Variants in EPB41L5 observed in about 807,000 individuals in gnomAD.
EPB41L5 encodes the protein band 4.1-like protein 5.
EPB41L5 carries 55 observed loss-of-function variants against 106.6 expected under a neutral mutation model. The ratio of observed to expected loss-of-function variants is 0.52; its 90% CI spans 0.42 to 0.65. The LOEUF is 0.65. Among genes scored for constraint, EPB41L5 ranks in the 30% least tolerant of loss-of-function variants. EPB41L5 has a pLI of 0.00. For synonymous variants in EPB41L5, 297 were observed against 306.7 expected (o/e 0.97, Z 0.33); for missense variants, 871 against 882.1 (o/e 0.99, Z 0.16).
At chr2:120,026,784 AATAAGTT>A (rs1249904423) in intron 2 of EPB41L5, among the ~76,000 whole-genome samples, 1 of 152,254 alleles carries the variant, frequency 6.6e-6, no homozygotes. Context: ...GAGACCATCA[AATAAGTT>A]ACAAGACTGT....
intron 3 of EPB41L5, among the ~76,000 whole-genome samples, chr2:120,072,449 T>C (rs1681934989): frequency 6.6e-6 from 1 of 152,224 alleles, no homozygotes; most frequent in Non-Finnish European, 1.5e-5. Flanking sequence ...CAAAGGATTA[T>C]AAGTCATTCT....
rs1240563257 is a variant in EPB41L5 at position 120,149,375 on chromosome 2, C to A, written c.1793+3086C>A. Reference sequence around the variant, plus strand: ...GAAATCCCCTGCTCTTTAACTGTAACCCCATCTACCCTGCACTGCCTTTCC... The same window carrying A: ...GAAATCCCCTGCTCTTTAACTGTAAACCCATCTACCCTGCACTGCCTTTCC... On this transcript the variant is annotated intron_variant, in intron 20 of 24. Coordinates refer to ENST00000263713, the MANE Select transcript of EPB41L5 (RefSeq NM_020909.4). Among the ~76,000 whole-genome samples the A allele has an allele frequency of 3.3e-5, 5 of 152,168 alleles. No homozygotes were observed. In the East Asian group the frequency reaches 9.6e-4, roughly 29 times the overall value.
chr2:120,151,313 A>G (rs1405392274), intron 20 of EPB41L5, among the ~76,000 whole-genome samples: 1 of 152,084 alleles, frequency 6.6e-6, no homozygotes, highest in East Asian at 1.9e-4. Flanking sequence ...AAATAATAAT[A>G]ATAATAATAA....
At chr2:120,042,584 A>G (rs1339032751) in intron 3 of EPB41L5, among the ~76,000 whole-genome samples, 1 of 152,204 alleles carries the variant, frequency 6.6e-6, no homozygotes, top group African/African-American at 2.4e-5. Flanking sequence ...CATTTCTGAC[A>G]AGAGAACAGC....
chr2:120,027,093 A>C (rs966169470), intron 2 of EPB41L5, among the ~76,000 whole-genome samples: 13 of 152,254 alleles, frequency 8.5e-5, no homozygotes, highest in African/African-American at 2.9e-4. Context: ...CAGAACTCTC[A>C]GACCCTGCTG....
intron 22 of EPB41L5, among the ~76,000 whole-genome samples, chr2:120,165,259 T>TG (rs1334538616): frequency 4.6e-5 from 7 of 152,212 alleles, no homozygotes; most frequent in Non-Finnish European, 2.9e-5. Flanking sequence ...ATTGAACATA[T>TG]CAATCATTAT....
chr2:120,078,395 T>C, intron 9 of EPB41L5, 98 bp from the exon 10 acceptor site: 1 of 627,126 alleles, frequency 1.6e-6, no homozygotes, highest in Non-Finnish European at 2.7e-6. Context: ...TGTATATAAT[T>C]AATACAATTC....
intron 12 of EPB41L5, 109 bp from the exon 13 acceptor site, chr2:120,091,446 A>C: frequency 1.4e-6 from 1 of 702,236 alleles, no homozygotes; most frequent in Non-Finnish European, 2.5e-6. Context: ...CTGTGCGATG[A>C]AGTTTAGGAT....
rs1677733524 is a variant in EPB41L5 at position 120,018,981 on chromosome 2, C to T, written c.-8-96C>T. On this transcript the variant is annotated intron_variant, in intron 1 of 24. Transcript: ENST00000263713. ...TTTTAGTAGCATTTCTACTAATGTT[C>T]ACAGGACTTGACTAAATAATGCCAT... 8 of 1,094,970 alleles carry T rather than the reference C, an allele frequency of 7.3e-6. No homozygotes were observed. In the South Asian group the frequency reaches 1.2e-4, roughly 17 times the overall value. 67.8% of individuals were successfully genotyped at this position (1,094,970 alleles called of 1,614,324 possible).
At position 120,022,335 on chromosome 2, in the gene EPB41L5, C is replaced by A. The variant is rs181575586; in HGVS notation, c.180+3071C>A. On this transcript the variant is annotated intron_variant, in intron 2 of 24. Transcript: ENST00000263713. Reference sequence around the variant, plus strand: ...TCTCCTAATACTATCCCTCCCCTAACCCCCCACCCCCCGACAGGCCCTGGT... The same window carrying A: ...TCTCCTAATACTATCCCTCCCCTAAACCCCCACCCCCCGACAGGCCCTGGT... 4.1e-4 allele frequency among the ~76,000 whole-genome samples: 62 copies of A among 149,766 alleles called. No individual in the cohort carries two copies. In the East Asian group the frequency reaches 9.9e-3, roughly 24 times the overall value.
At chr2:120,168,039 A>C in intron 24 of EPB41L5, 32 bp downstream of exon 24, 1 of 1,611,498 alleles carries the variant, frequency 6.2e-7, no homozygotes, top group Non-Finnish European at 8.5e-7. Context: ...TGCAGTTCTT[A>C]GGCATCTGTT....
At chr2:120,104,476 T>C in intron 16 of EPB41L5, 1 of 1,189,024 alleles carries the variant, frequency 8.4e-7, no homozygotes, top group Non-Finnish European at 1.0e-6. Flanking sequence ...GTGTATACCA[T>C]TGTGGTTTTG....
chr2:120,042,995 A>ATTTGTGTGTG (rs1491151741), intron 3 of EPB41L5, among the ~76,000 whole-genome samples: 3 of 70,030 alleles, frequency 4.3e-5, no homozygotes, highest in East Asian at 4.2e-4. Context: ...TTTTCTGGAA[A>ATTTGTGTGTG]TGTGTGTGTG....
intron 3 of EPB41L5, among the ~76,000 whole-genome samples, chr2:120,062,223 AAGATAGTGGGAGGTGAAAAAC>A (rs1681132481): frequency 1.3e-5 from 2 of 152,234 alleles, no homozygotes; most frequent in Admixed American, 1.3e-4. Flanking sequence ...AGGATTCAGT[AAGATAGTGGGAGGTGAAAAAC>A]ATAGAAATAA....
intron 18 of EPB41L5, among the ~76,000 whole-genome samples, chr2:120,141,260 G>A (rs1194553285): frequency 1.3e-5 from 2 of 152,092 alleles, no homozygotes; most frequent in East Asian, 3.8e-4. Flanking sequence ...GGAAACTTTA[G>A]CCCTGTCTAA....
At chr2:120,143,275 G>T in intron 19 of EPB41L5, 144 bp downstream of exon 19, 1 of 991,320 alleles carries the variant, frequency 1.0e-6, no homozygotes. Context: ...ATGCTCAGGG[G>T]GATACGAAGG....
At chr2:120,096,029 T>C (rs1434472258) in intron 14 of EPB41L5, among the ~76,000 whole-genome samples, 2 of 152,170 alleles carry the variant, frequency 1.3e-5, no homozygotes, top group Non-Finnish European at 2.9e-5. Context: ...TCTCATATAA[T>C]GCTTAATAAT....
intron 24 of EPB41L5, among the ~76,000 whole-genome samples, chr2:120,171,534 G>A (rs772984683): frequency 3.9e-5 from 6 of 152,242 alleles, no homozygotes; most frequent in Admixed American, 2.6e-4. Flanking sequence ...CTAACTCAAA[G>A]TCCACACACT....
rs192743617 is a variant in EPB41L5 at position 120,070,375 on chromosome 2, G to T, written c.286-2803G>T. Among the ~76,000 whole-genome samples the T allele has an allele frequency of 2.9e-3, 446 of 152,252 alleles. 1 individual carries two copies. The highest frequency in any genetic ancestry group is 8.7e-3 in the African/African-American group (362 of 41,536). ...ATGAAAAAAAGCCCAGGACCAGACA[G>T]ATTCACAGCCGAATTCTACCAGAGG... is the stretch of plus-strand genomic sequence containing the variant. On this transcript the variant is annotated intron_variant, in intron 3 of 24. Coordinates refer to ENST00000263713, the MANE Select transcript of EPB41L5 (RefSeq NM_020909.4).
Sources: gnomAD v4.1 joint callset for allele counts (sites outside exome capture counted in the v4.1 genomes callset) on GRCh38, gnomAD v4.1.1 for gene constraint, MANE v1.5 for transcripts, NCBI Gene and HGNC (gene_info 2026-07-23, HGNC 2026-07-21) for gene names.